The following APPBP2 variants were observed in gnomAD, a reference collection of about 807,000 sequenced individuals.
The protein encoded by APPBP2 is amyloid beta precursor protein binding protein 2.
APPBP2 carries 15 observed loss-of-function variants against 76.0 expected under a neutral mutation model. That is an observed-to-expected ratio of 0.20 (90% confidence interval 0.13 to 0.30). The LOEUF (loss-of-function observed/expected upper bound fraction) is 0.30, where lower values mean the gene tolerates loss of function less well. Ranked by LOEUF, APPBP2 falls within the 10% of genes least tolerant of loss-of-function variation. APPBP2 has a pLI of 1.00. For synonymous variants in APPBP2, 222 were observed against 242.2 expected, an observed-to-expected ratio of 0.92 and a Z score of 0.77; for missense variants, 401 against 687.2, an observed-to-expected ratio of 0.58 and a Z score of 4.66.
chr17:60,455,577 C>T (rs1035338028), intron 10 of APPBP2, among the ~76,000 whole-genome samples: 1 of 152,116 alleles, frequency 6.6e-6, no homozygotes, highest in Non-Finnish European at 1.5e-5. Flanking sequence ...GGGTATTTTG[C>T]AAGAGCCTTG....
intron 3 of APPBP2, among the ~76,000 whole-genome samples, chr17:60,490,245 A>T (rs1040053224): frequency 6.6e-5 from 10 of 152,202 alleles, no homozygotes; most frequent in Non-Finnish European, 1.2e-4. Flanking sequence ...GTATAACACC[A>T]GTGTCAATTT....
At chr17:60,482,193 C>A (rs144602104) in intron 3 of APPBP2, among the ~76,000 whole-genome samples, 140 of 152,180 alleles carry the variant, frequency 9.2e-4, no homozygotes, top group Middle Eastern at 3.4e-3. Context: ...GTTACTACTT[C>A]GATTAAAAAC....
chr17:60,509,137 T>C (rs1036417123), intron 1 of APPBP2, among the ~76,000 whole-genome samples: 4 of 151,020 alleles, frequency 2.6e-5, no homozygotes, highest in African/African-American at 7.3e-5. Context: ...ATCCCAGCAC[T>C]TTGGGAGGCT....
chr17:60,457,176 T>A (rs2090437484), intron 9 of APPBP2, among the ~76,000 whole-genome samples: 1 of 152,050 alleles, frequency 6.6e-6, no homozygotes, highest in African/African-American at 2.4e-5. Context: ...CAGCCTACTT[T>A]ACTCTTCTTC....
At chr17:60,464,476 A>G (rs890782387) in intron 5 of APPBP2, among the ~76,000 whole-genome samples, 1 of 152,056 alleles carries the variant, frequency 6.6e-6, no homozygotes, top group East Asian at 1.9e-4. Flanking sequence ...GTGTTTTCCT[A>G]TACATTCCAT....
rs147703721 is a variant in APPBP2 at position 60,489,701 on chromosome 17, A to G, written c.379+4765T>C. 2.1e-3 allele frequency among the ~76,000 whole-genome samples: 325 copies of G among 152,266 alleles called. 5 individuals carry two copies. The highest frequency in any genetic ancestry group is 0.016 in the East Asian group (82 of 5,186). On this transcript the variant is annotated intron_variant, in intron 3 of 12. Coordinates refer to ENST00000083182, the MANE Select transcript of APPBP2 (RefSeq NM_006380.5). Reference sequence around the variant, plus strand: ...ACGTGTGTACACTTTAAGACAGAAAACACATACATGGCACATGCACACAGT... The same window carrying G: ...ACGTGTGTACACTTTAAGACAGAAAGCACATACATGGCACATGCACACAGT...
chr17:60,462,299 C>T (rs1005831377), intron 6 of APPBP2: 1 of 404,118 alleles, frequency 2.5e-6, no homozygotes, highest in Non-Finnish European at 4.4e-6. Flanking sequence ...AGTCCTAGTA[C>T]AAATCTGTCA....
chr17:60,477,594 C>T (rs573352303), intron 4 of APPBP2: 82 of 151,954 alleles, frequency 5.4e-4, no homozygotes, highest in Non-Finnish European at 9.1e-4. Flanking sequence ...AATACTAATC[C>T]TTTTAGAGTT....
chr17:60,518,650 T>C (rs1320303361), intron 1 of APPBP2, among the ~76,000 whole-genome samples: 1 of 152,152 alleles, frequency 6.6e-6, no homozygotes, highest in Admixed American at 6.6e-5. Flanking sequence ...ACCGTAGGCA[T>C]GTGCCACCAT....
intron 1 of APPBP2, among the ~76,000 whole-genome samples, chr17:60,501,935 G>C (rs1039112216): frequency 1.3e-5 from 2 of 152,176 alleles, no homozygotes; most frequent in African/African-American, 4.8e-5. Flanking sequence ...TCCTGGAGGG[G>C]AGAGGGGACA....
chr17:60,494,344 C>T (rs1451598297), intron 3 of APPBP2, 122 bp downstream of exon 3: 2 of 1,010,714 alleles, frequency 2.0e-6, no homozygotes, highest in East Asian at 2.5e-5. Flanking sequence ...TTAAGTGGTT[C>T]TGATGTTCTT....
chr17:60,499,254 C>T (rs1050325887), intron 2 of APPBP2, among the ~76,000 whole-genome samples: 3 of 151,722 alleles, frequency 2.0e-5, no homozygotes, highest in African/African-American at 7.3e-5. Context: ...TGGCTTTGAG[C>T]CAAGGAGAGT....
At chr17:60,453,250 C>G (rs1423743273) in intron 11 of APPBP2, among the ~76,000 whole-genome samples, 1 of 151,890 alleles carries the variant, frequency 6.6e-6, no homozygotes, top group African/African-American at 2.4e-5. Context: ...GAGTGCAGAT[C>G]TCGGCTCACT....
intron 3 of APPBP2, among the ~76,000 whole-genome samples, chr17:60,494,058 C>T (rs1001200702): frequency 2.6e-5 from 4 of 152,094 alleles, no homozygotes; most frequent in African/African-American, 7.2e-5. Flanking sequence ...ACTGAGGCTC[C>T]GAAAGGATGA....
rs935743776 is a variant in APPBP2, at chr17:60,526,014, C to T, written c.-83G>A. On this transcript the variant is annotated 5_prime_UTR_variant, in exon 1 of 13. Coordinates refer to ENST00000083182, the MANE Select transcript of APPBP2 (RefSeq NM_006380.5). ...CTCCGTAGCGAACCCCTCTGCGGCC[C>T]CGGAGGATTCGGAGGGGCGGTGGCA... is the stretch of plus-strand genomic sequence containing the variant. The T allele has an allele frequency of 1.9e-5, 27 of 1,392,166 alleles. No individual in the cohort carries two copies. Among genetic ancestry groups the T allele is most frequent in the South Asian group, 1.4e-5 (1 of 73,274 alleles). The allele number at this position is 1,392,166 out of a possible 1,614,324, so 86.2% of individuals were successfully genotyped here. A position where few individuals can be genotyped will look rare whatever the true frequency, so the allele number is the denominator to read the frequency against.
intron 2 of APPBP2, among the ~76,000 whole-genome samples, chr17:60,497,159 G>A (rs747423420): frequency 5.3e-5 from 8 of 152,274 alleles, no homozygotes; most frequent in African/African-American, 1.7e-4. Flanking sequence ...ACACAATGGT[G>A]TACTATTTGG....
At chr17:60,495,410 T>C (rs745609755) in intron 2 of APPBP2, among the ~76,000 whole-genome samples, 5 of 150,416 alleles carry the variant, frequency 3.3e-5, no homozygotes, top group South Asian at 4.2e-4. Flanking sequence ...TTACACCCAA[T>C]AGAATTTTTA....
chr17:60,454,942 T>A (rs1032549349), intron 10 of APPBP2, among the ~76,000 whole-genome samples: 5 of 152,178 alleles, frequency 3.3e-5, no homozygotes, highest in African/African-American at 4.8e-5. Context: ...CTCCTACTCA[T>A]CTGACCAACC....
At chr17:60,493,656 T>G (rs2090750011) in intron 3 of APPBP2, among the ~76,000 whole-genome samples, 1 of 151,176 alleles carries the variant, frequency 6.6e-6, no homozygotes, top group Non-Finnish European at 1.5e-5. Flanking sequence ...TTTTTTTTTT[T>G]TCTGAGACAG....
Sources: allele counts gnomAD v4.1 joint callset (sites outside exome capture counted in the v4.1 genomes callset), GRCh38; gene constraint gnomAD v4.1.1; transcripts MANE v1.5; gene names NCBI Gene and HGNC (gene_info 2026-07-23, HGNC 2026-07-21).